Variants in MORC2 observed in about 807,000 individuals in gnomAD.
MORC2 encodes the protein ATPase MORC2.
Under a neutral mutation model 136.0 loss-of-function variants are expected in MORC2, and 30 were observed. The ratio of observed to expected loss-of-function variants is 0.22; its 90% CI spans 0.17 to 0.30. The LOEUF (loss-of-function observed/expected upper bound fraction) is 0.30, where lower values mean the gene tolerates loss of function less well. Ranked by LOEUF, MORC2 falls within the 10% of genes least tolerant of loss-of-function variation. MORC2 has a pLI of 1.00. For missense variants in MORC2, 922 were observed against 1,333.1 expected (o/e 0.69, Z 4.80); for synonymous variants, 439 against 487.0 (o/e 0.90, Z 1.30).
In MORC2 at chr22:30,935,331, C is replaced by G; in HGVS notation, c.1738-9G>C. ...CGGATGGGTGTGGTTTTCTGCAAGG[C>G]AAACATCATGATGAAGTTGTTTGCA... On this transcript the variant is annotated splice_polypyrimidine_tract_variant and intron_variant, in intron 17 of 25. Coordinates refer to ENST00000397641, the MANE Select transcript of MORC2 (RefSeq NM_001303256.3). The G allele has an allele frequency of 6.2e-7, 1 of 1,612,728 alleles. No individual in the cohort carries two copies. Among genetic ancestry groups the G allele is most frequent in the African/African-American group, 1.3e-5 (1 of 74,962 alleles).
Position 30,926,550 on chromosome 22 carries a change from CAAAAAAA to C in MORC2, c.*246_*252del, listed in dbSNP as rs60514280. 78 of 25,726 alleles carry C rather than the reference CAAAAAAA, an allele frequency of 3.0e-3. No homozygotes were observed. The highest frequency in any genetic ancestry group is 0.011 in the African/African-American group (56 of 5,318). 1.6% of individuals were successfully genotyped at this position (25,726 alleles called of 1,614,324 possible). A position where few individuals can be genotyped will look rare whatever the true frequency, so the allele number is the denominator to read the frequency against. The stretch of plus-strand genomic sequence containing the variant: ...AAGGTTCTCTGTCCTTTGCAGTCAC[CAAAAAAA>C]AAAAAAAAAAAAAAAAAAAAAAAAA... On this transcript the variant is annotated 3_prime_UTR_variant, in exon 26 of 26. Coordinates refer to ENST00000397641, the MANE Select transcript of MORC2 (RefSeq NM_001303256.3).
At position 30,968,084 on chromosome 22, in the gene MORC2, T is replaced by C; in HGVS notation, c.-195A>G. On this transcript the variant is annotated 5_prime_UTR_variant, in exon 1 of 26. Coordinates refer to ENST00000397641, the MANE Select transcript of MORC2 (RefSeq NM_001303256.3). ...TACAATTTCTTCAAGTGTTTTTTTT[T>C]AATCTTCTCAATGATTTATGATGTA... The C allele has an allele frequency of 1.8e-6, 1 of 562,208 alleles. No individual in the cohort carries two copies. Among genetic ancestry groups the C allele is most frequent in the African/African-American group, 1.9e-5 (1 of 52,780 alleles). The allele number at this position is 562,208 out of a possible 1,614,324, so 34.8% of individuals were successfully genotyped here.
At chr22:30,956,091 A>C (rs7287568) in intron 3 of MORC2, among the ~76,000 whole-genome samples, 2,240 of 152,284 alleles carry the variant, frequency 0.015, 33 homozygotes, top group South Asian at 0.056. Context: ...GTGCTAGTAC[A>C]AATACCAGGC....
Position 30,941,821 on chromosome 22 carries a change from T to C in MORC2, c.698+70A>G. On this transcript the variant is annotated intron_variant, in intron 8 of 25. Coordinates refer to ENST00000397641, the MANE Select transcript of MORC2 (RefSeq NM_001303256.3). This position sits in a 1 kb window ranked among gnomAD's most constrained non-coding sequence, Gnocchi z 4.6. ...GGCAATGAATGTGCTCTCCCCTCTT[T>C]CCCTGAAGCCATCTCCTGAGAGCAC... is the stretch of plus-strand genomic sequence containing the variant. 7.3e-7 allele frequency: 1 copy of C among 1,367,532 alleles called. No homozygotes were observed. The highest frequency in any genetic ancestry group is 1.0e-6 in the Non-Finnish European group (1 of 964,726). 84.7% of individuals were successfully genotyped at this position (1,367,532 alleles called of 1,614,324 possible).
chr22:30,960,121 C>A (rs1040540485), intron 1 of MORC2, among the ~76,000 whole-genome samples: 2 of 152,160 alleles, frequency 1.3e-5, no homozygotes, highest in African/African-American at 4.8e-5. Context: ...GCATGCGCCA[C>A]CACACCCGGC....
intron 24 of MORC2, among the ~76,000 whole-genome samples, chr22:30,929,445 C>T (rs976425075): frequency 3.3e-5 from 5 of 152,086 alleles, no homozygotes; most frequent in African/African-American, 1.2e-4. Flanking sequence ...ATCCCTGATG[C>T]TAAAAAAATA....
rs1007902250 is a variant in MORC2, at chr22:30,941,805, T to C, written c.698+86A>G. On this transcript the variant is annotated intron_variant, in intron 8 of 25. Coordinates refer to ENST00000397641, the MANE Select transcript of MORC2 (RefSeq NM_001303256.3). The surrounding 1 kb of genome is among the most constrained non-coding windows in gnomAD (Gnocchi z 4.6). ...CTACCACAGAACACTGGGCAATGAA[T>C]GTGCTCTCCCCTCTTTCCCTGAAGC... The C allele has an allele frequency of 2.7e-5, 35 of 1,280,560 alleles. No individual in the cohort carries two copies. In the East Asian group the frequency reaches 5.8e-4, roughly 21 times the overall value. 79.3% of individuals were successfully genotyped at this position (1,280,560 alleles called of 1,614,324 possible).
In MORC2 at chr22:30,935,108, G is replaced by A. The variant is rs904568914; in HGVS notation, c.1866C>T (p.Ile622=). The A allele has an allele frequency of 3.7e-6, 6 of 1,613,734 alleles. No homozygotes were observed. The African/African-American group carries it at 6.7e-5, about 18-fold the overall frequency. The part of the protein sequence containing the change: ...RPRSPPLPAV[I]RNAPSRPPSL... ...AAGGGGGTCTGCTGGGGGCGTTCCT[G>A]ATCACAGCAGGTAAAGGGGGCGACC... Residue 622 remains isoleucine (I), a synonymous_variant, in exon 19 of 26, where the codon ATC becomes ATT. Coordinates refer to ENST00000397641, the MANE Select transcript of MORC2 (RefSeq NM_001303256.3).
Position 30,935,172 on chromosome 22 carries a change from G to T in MORC2, c.1813-11C>A. On this transcript the variant is annotated splice_polypyrimidine_tract_variant and intron_variant, in intron 18 of 25. Coordinates refer to ENST00000397641, the MANE Select transcript of MORC2 (RefSeq NM_001303256.3). ...TCTACGCACAGGTTCCTAAAAAAAG[G>T]CCCACAGAGAGTGAGAACACTGATC... 1 of 1,611,958 alleles carries T rather than the reference G, an allele frequency of 6.2e-7. No individual in the cohort carries two copies. The highest frequency in any genetic ancestry group is 8.5e-7 in the Non-Finnish European group (1 of 1,178,934).
At position 30,948,916 on chromosome 22, in the gene MORC2, G is replaced by C. The variant is rs139372626; in HGVS notation, c.317+836C>G. Among the ~76,000 whole-genome samples the C allele has an allele frequency of 5.4e-3, 821 of 152,242 alleles. 3 individuals carry two copies. Among genetic ancestry groups the C allele is most frequent in the Non-Finnish European group, 8.9e-3 (603 of 68,012 alleles). ...CGGATACCAGGTCCTGATTTCTTCGGAAGTACTCTCTTTCTTCTCCATACA... is the reference window on the plus strand; with the variant it reads ...CGGATACCAGGTCCTGATTTCTTCGCAAGTACTCTCTTTCTTCTCCATACA... On this transcript the variant is annotated intron_variant, in intron 5 of 25. Coordinates refer to ENST00000397641, the MANE Select transcript of MORC2 (RefSeq NM_001303256.3).
chr22:30,958,779 GT>G (rs2041002674), intron 1 of MORC2, 85 bp from the exon 2 acceptor site: 1 of 1,289,102 alleles, frequency 7.8e-7, no homozygotes, highest in Admixed American at 2.2e-5. Context: ...AAATATTTAA[GT>G]TTTTTGAAAA....
chr22:30,950,520 G>T, intron 3 of MORC2, 75 bp from the exon 4 acceptor site: 2 of 1,414,982 alleles, frequency 1.4e-6, no homozygotes, highest in Non-Finnish European at 9.9e-7. Context: ...TCAGAAGGCA[G>T]ATCAATGTGA....
At chr22:30,949,941 T>G in intron 4 of MORC2, 99 bp from the exon 5 acceptor site, 2 of 1,060,382 alleles carry the variant, frequency 1.9e-6, no homozygotes, top group Non-Finnish European at 2.8e-6. Flanking sequence ...AGCAGGGGTG[T>G]GTATCTGCTG....
At chr22:30,939,396 C>T (rs1425040636) in intron 12 of MORC2, among the ~76,000 whole-genome samples, 1 of 152,016 alleles carries the variant, frequency 6.6e-6, no homozygotes, top group Admixed American at 6.6e-5. Flanking sequence ...TAAGACAGTG[C>T]CAAAGGATGG....
At chr22:30,958,256 C>T (rs2040994597) in intron 2 of MORC2, among the ~76,000 whole-genome samples, 1 of 152,152 alleles carries the variant, frequency 6.6e-6, no homozygotes, top group South Asian at 2.1e-4. Flanking sequence ...GTTTTAAAGA[C>T]ATTAGATGGT....
chr22:30,954,507 T>C (rs755612014), intron 3 of MORC2, among the ~76,000 whole-genome samples: 1 of 152,208 alleles, frequency 6.6e-6, no homozygotes, highest in African/African-American at 2.4e-5. Flanking sequence ...TAATTATCCA[T>C]AGTGCATTAA....
intron 3 of MORC2, among the ~76,000 whole-genome samples, chr22:30,952,593 G>A (rs1436857622): frequency 6.6e-6 from 1 of 152,234 alleles, no homozygotes; most frequent in East Asian, 1.9e-4. Flanking sequence ...GGCTAGTAGT[G>A]TCTAGGTCCA....
chr22:30,939,988 G>A lies in MORC2; in HGVS notation c.958C>T (p.Leu320=), dbSNP rs376013637. The A allele has an allele frequency of 3.9e-5, 63 of 1,613,898 alleles. No individual in the cohort carries two copies. The highest frequency in any genetic ancestry group is 5.3e-5 in the Non-Finnish European group (63 of 1,180,040). ...ESKARTLEVR[L]GGDLTRDSRV... is the part of the protein sequence containing the mutation. ...GAGTCCCGCGTGAGGTCTCCACCTA[G>A]GCGTACTTCTAATGTCCGAGCTTTG... The change falls in exon 11 of 26, where the codon CTA becomes TTA. Residue 320 remains leucine (L), a synonymous_variant. Transcript: ENST00000397641.
At chr22:30,943,005 A>C (rs532316007) in intron 6 of MORC2, among the ~76,000 whole-genome samples, 1 of 152,314 alleles carries the variant, frequency 6.6e-6, no homozygotes, top group African/African-American at 2.4e-5. Context: ...ACTCCATCTC[A>C]AAAATAAATA....
Sources: allele counts gnomAD v4.1 joint callset (sites outside exome capture counted in the v4.1 genomes callset), GRCh38; gene constraint gnomAD v4.1.1; non-coding constraint Gnocchi (gnomAD v3.1); transcripts MANE v1.5; gene names NCBI Gene and HGNC (gene_info 2026-07-23, HGNC 2026-07-21).